Variants in NUCB2 observed in about 807,000 individuals in gnomAD.
NUCB2 encodes nucleobindin 2, also known as nucleobindin-2.
NUCB2 carries 48 observed loss-of-function variants against 57.9 expected under a neutral mutation model. The observed-to-expected ratio is 0.83, with a 90% confidence interval of 0.66 to 1.05. The LOEUF is 1.05. Among genes scored for constraint, NUCB2 ranks in the 50% least tolerant of loss-of-function variants. The probability of loss-of-function intolerance (pLI) is 0.00; values close to 1 mark genes in which losing one functional copy is unlikely to be tolerated. For synonymous variants in NUCB2, 139 were observed against 152.1 expected (o/e 0.91, Z 0.64); for missense variants, 442 against 476.2 (o/e 0.93, Z 0.67).
intron 11 of NUCB2, among the ~76,000 whole-genome samples, chr11:17,324,797 T>TA (rs200224524): frequency 0.035 from 5,290 of 151,240 alleles, 130 homozygotes; most frequent in South Asian, 0.056. Context: ...TTTATTTATT[T>TA]ATTTATTTAT....
At chr11:17,340,296 G>A (rs1453414883) in intron 2 of NUCB2, among the ~76,000 whole-genome samples, 3 of 152,130 alleles carry the variant, frequency 2.0e-5, no homozygotes, top group Non-Finnish European at 4.4e-5. Flanking sequence ...CCATTCTGTA[G>A]GTTGCCTGTT....
At chr11:17,283,331 G>C (rs1943074021) in intron 2 of NUCB2, 1 of 152,232 alleles carries the variant, frequency 6.6e-6, no homozygotes, top group African/African-American at 2.4e-5. Context: ...TAAGAAAGCA[G>C]GGAAATGTAG....
At chr11:17,301,081 TCCTGCCTCAG>T (rs1381002612) in intron 4 of NUCB2, among the ~76,000 whole-genome samples, 1 of 149,268 alleles carries the variant, frequency 6.7e-6, no homozygotes, top group Non-Finnish European at 1.5e-5. Context: ...CAAGCAATTC[TCCTGCCTCAG>T]CCTCCCGAGT....
At chr11:17,292,861 A>G (rs1383923523) in intron 2 of NUCB2, among the ~76,000 whole-genome samples, 2 of 152,204 alleles carry the variant, frequency 1.3e-5, no homozygotes, top group East Asian at 3.8e-4. Context: ...GTTGTTATTT[A>G]TAATAAGCAT....
intron 5 of NUCB2, among the ~76,000 whole-genome samples, chr11:17,302,811 C>T (rs2138657157): frequency 6.6e-6 from 1 of 151,284 alleles, no homozygotes; most frequent in Non-Finnish European, 1.5e-5. Context: ...GTGATCTTGG[C>T]TCACTGCAAG....
At chr11:17,308,660 G>A (rs1321252362) in intron 5 of NUCB2, among the ~76,000 whole-genome samples, 3 of 152,078 alleles carry the variant, frequency 2.0e-5, no homozygotes, top group African/African-American at 7.2e-5. Context: ...CATTACATGT[G>A]TCCACTATGT....
downstream of NUCB2, among the ~76,000 whole-genome samples, chr11:17,334,760 C>T (rs1951669883): frequency 1.3e-5 from 2 of 152,124 alleles, no homozygotes; most frequent in South Asian, 4.2e-4. Flanking sequence ...ATGGTGCACA[C>T]CTATAGTCCC....
intron 2 of NUCB2, among the ~76,000 whole-genome samples, chr11:17,285,450 G>A (rs150951097): frequency 0.021 from 3,121 of 152,058 alleles, 113 homozygotes; most frequent in African/African-American, 0.07. Flanking sequence ...GGTGGCATGC[G>A]CCTGTAGTCC....
chr11:17,338,484 G>A (rs1591625506), intron 2 of NUCB2, among the ~76,000 whole-genome samples: 1 of 151,956 alleles, frequency 6.6e-6, no homozygotes, highest in Admixed American at 6.6e-5. Context: ...ATCAATTGCA[G>A]TTAATAGTTT....
intron 5 of NUCB2, among the ~76,000 whole-genome samples, chr11:17,303,638 A>G (rs1432001405): frequency 6.6e-6 from 1 of 152,220 alleles, no homozygotes; most frequent in African/African-American, 2.4e-5. Flanking sequence ...TAATCCCAGC[A>G]CTTTGGGAGG....
At chr11:17,294,525 A>T (rs1945480618) in intron 2 of NUCB2, among the ~76,000 whole-genome samples, 1 of 152,164 alleles carries the variant, frequency 6.6e-6, no homozygotes, top group Non-Finnish European at 1.5e-5. Context: ...TGTTAATGGC[A>T]AGACAATGCT....
At chr11:17,293,031 A>C (rs796326838) in intron 2 of NUCB2, among the ~76,000 whole-genome samples, 51 of 152,168 alleles carry the variant, frequency 3.4e-4, no homozygotes, top group African/African-American at 1.1e-3. Context: ...AGCTGGGTGG[A>C]TCATCTGAGG....
chr11:17,337,600 A>T (rs2139573908), intron 2 of NUCB2: 1 of 152,224 alleles, frequency 6.6e-6, no homozygotes, highest in South Asian at 2.1e-4. Context: ...TCTGCTTTCC[A>T]GGTGTGAGAT....
intron 2 of NUCB2, among the ~76,000 whole-genome samples, chr11:17,341,298 A>G (rs1369951021): frequency 6.6e-6 from 1 of 151,530 alleles, no homozygotes; most frequent in African/African-American, 2.4e-5. Context: ...CTAATTGAAT[A>G]CCCTTTATTT....
chr11:17,317,465 A>T, intron 11 of NUCB2: 1 of 261,006 alleles, frequency 3.8e-6, no homozygotes, highest in Non-Finnish European at 8.0e-6. Context: ...TACTACACAC[A>T]TGGTACTCTT....
At chr11:17,298,779 A>G (rs911232111) in intron 4 of NUCB2, among the ~76,000 whole-genome samples, 1 of 150,922 alleles carries the variant, frequency 6.6e-6, no homozygotes, top group Admixed American at 6.6e-5. Flanking sequence ...GCTCACTGCT[A>G]CCTCTGCCTC....
chr11:17,328,665 G>A (rs1950994279), intron 11 of NUCB2, among the ~76,000 whole-genome samples: 1 of 152,034 alleles, frequency 6.6e-6, no homozygotes, highest in Admixed American at 6.5e-5. Flanking sequence ...GTCACCTTGC[G>A]GTAAATGCTG....
chr11:17,346,046 T>G lies in NUCB2; in HGVS notation n.2627-3299T>G, dbSNP rs1236599569. 2.0e-5 allele frequency among the ~76,000 whole-genome samples: 3 copies of G among 152,216 alleles called. No individual in the cohort carries two copies. The East Asian group carries it at 5.8e-4, about 29-fold the overall frequency. On this transcript the variant is annotated intron_variant and non_coding_transcript_variant, in intron 2 of 2. Transcript: ENST00000532240. The stretch of plus-strand genomic sequence containing the variant: ...TATTAAAAGTAAAATTAGAAAAATA[T>G]GTAATATTTGTTGTAATTTTCTGGG...
chr11:17,320,889 C>A, intron 11 of NUCB2, among the ~76,000 whole-genome samples: 1 of 151,930 alleles, frequency 6.6e-6, no homozygotes, highest in East Asian at 1.9e-4. Context: ...TAACACATTT[C>A]CAGAAATTGA....
Sources: gnomAD v4.1 joint callset for allele counts (sites outside exome capture counted in the v4.1 genomes callset) on GRCh38, gnomAD v4.1.1 for gene constraint, MANE v1.5 for transcripts, NCBI Gene and HGNC (gene_info 2026-07-23, HGNC 2026-07-21) for gene names.